Variants in VPS13B observed in about 807,000 individuals in gnomAD.
VPS13B encodes vacuolar protein sorting 13 homolog B.
VPS13B carries 285 observed loss-of-function variants against 426.4 expected under a neutral mutation model. The ratio of observed to expected loss-of-function variants is 0.67; its 90% CI spans 0.61 to 0.74. The LOEUF (loss-of-function observed/expected upper bound fraction) is 0.74. Ranked by LOEUF, VPS13B falls within the 30% of genes least tolerant of loss-of-function variation. The pLI is 0.00. For missense variants in VPS13B, 4,537 were observed against 4,782.6 expected, an observed-to-expected ratio of 0.95 and a Z score of 1.51; for synonymous variants, 1,676 against 1,676.4, an observed-to-expected ratio of 1.00 and a Z score of 0.01.
intron 35 of VPS13B, among the ~76,000 whole-genome samples, chr8:99,684,128 A>G (rs934692600): frequency 6.6e-6 from 1 of 152,214 alleles, no homozygotes; most frequent in African/African-American, 2.4e-5. Context: ...ACATTGATTG[A>G]TCAAGGCTTA....
At chr8:99,244,698 A>G (rs1179226043) in intron 17 of VPS13B, among the ~76,000 whole-genome samples, 2 of 152,222 alleles carry the variant, frequency 1.3e-5, no homozygotes, top group Admixed American at 6.5e-5. Flanking sequence ...CACTAAGAGT[A>G]TTCATCATTT....
intron 17 of VPS13B, among the ~76,000 whole-genome samples, chr8:99,259,422 C>T (rs1477388561): frequency 1.3e-5 from 2 of 152,020 alleles, no homozygotes; most frequent in African/African-American, 4.8e-5. Context: ...TGTTCTTTGG[C>T]AACCCCACTA....
At chr8:99,497,810 C>T (rs916048983) in intron 25 of VPS13B, among the ~76,000 whole-genome samples, 16 of 152,134 alleles carry the variant, frequency 1.1e-4, no homozygotes, top group African/African-American at 3.6e-4. Flanking sequence ...TACTCAATTG[C>T]TATTTTTAAA....
chr8:99,728,302 C>T (rs1188179018), intron 39 of VPS13B, among the ~76,000 whole-genome samples: 3 of 152,144 alleles, frequency 2.0e-5, no homozygotes, highest in African/African-American at 4.8e-5. Flanking sequence ...AGCAGGTTGG[C>T]CTTTCCCTGA....
intron 17 of VPS13B, among the ~76,000 whole-genome samples, chr8:99,264,121 T>C (rs1182758303): frequency 1.3e-5 from 2 of 152,120 alleles, no homozygotes; most frequent in East Asian, 3.8e-4. Flanking sequence ...ATGTACTTAT[T>C]TTTAATTAAT....
intron 25 of VPS13B, among the ~76,000 whole-genome samples, chr8:99,494,718 G>T (rs958365821): frequency 6.6e-6 from 1 of 151,892 alleles, no homozygotes; most frequent in Non-Finnish European, 1.5e-5. Context: ...GAGGACTTTA[G>T]TAGTTTTTGA....
chr8:99,732,658 T>G (rs758353158), intron 39 of VPS13B, among the ~76,000 whole-genome samples: 7 of 152,256 alleles, frequency 4.6e-5, no homozygotes, highest in Non-Finnish European at 1.0e-4. Context: ...CTTGCCTGAT[T>G]GTGAGCTTCT....
In VPS13B at chr8:99,556,472, C is replaced by A; in HGVS notation, c.4768C>A (p.Leu1590Ile). ...CAGGAGAGCCTTGAACTTAGGAATT[C>A]TTCGAGATCCTGGATCAGAAATCGA... ...IYQRALNLGI[L>I]RDPGSEIEDR... Residue 1590 changes from leucine (L) to isoleucine (I), a missense_variant, in exon 31 of 62, where the codon CTT (leucine) becomes ATT (isoleucine). Around this residue, in one of 2 missense-constraint regions of VPS13B, gnomAD observed 4,311 missense variants for 4,474.3 expected, o/e 0.96. Transcript: ENST00000357162. 1.2e-6 allele frequency: 2 copies of A among 1,612,746 alleles called. No homozygotes were observed. Among genetic ancestry groups the A allele is most frequent in the East Asian group, 2.2e-5 (1 of 44,808 alleles).
At chr8:99,604,861 G>A (rs1302892167) in intron 33 of VPS13B, among the ~76,000 whole-genome samples, 1 of 152,138 alleles carries the variant, frequency 6.6e-6, no homozygotes, top group African/African-American at 2.4e-5. Context: ...GATGTTAAGG[G>A]AGGAGTATCT....
intron 25 of VPS13B, among the ~76,000 whole-genome samples, chr8:99,485,333 T>A (rs1820246817): frequency 2.0e-5 from 3 of 152,206 alleles, no homozygotes; most frequent in African/African-American, 7.2e-5. Context: ...GTAACAATGT[T>A]ATTTAAATTC....
chr8:99,174,771 C>T (rs2132675728), intron 16 of VPS13B, among the ~76,000 whole-genome samples: 1 of 152,136 alleles, frequency 6.6e-6, no homozygotes, highest in East Asian at 1.9e-4. Context: ...AGTTATTTCC[C>T]CTCATGGCAA....
At chr8:99,535,950 ATTTTT>A (rs766421706) in intron 30 of VPS13B, among the ~76,000 whole-genome samples, 1 of 143,648 alleles carries the variant, frequency 7.0e-6, no homozygotes, top group African/African-American at 2.5e-5. Flanking sequence ...TTTAATCCAA[ATTTTT>A]TTTTTTTTTT....
intron 19 of VPS13B, among the ~76,000 whole-genome samples, chr8:99,356,216 T>G (rs1347786811): frequency 6.6e-6 from 1 of 152,220 alleles, no homozygotes; most frequent in African/African-American, 2.4e-5. Context: ...TGACTATGTT[T>G]CTTTTTCTAT....
chr8:99,248,787 C>CATTG (rs980074916), intron 17 of VPS13B, among the ~76,000 whole-genome samples: 11 of 152,088 alleles, frequency 7.2e-5, no homozygotes, highest in African/African-American at 2.7e-4. Flanking sequence ...CTAAATCTGT[C>CATTG]ATTGATTGAT....
chr8:99,157,853 C>A (rs1485373116), intron 15 of VPS13B, among the ~76,000 whole-genome samples: 1 of 152,184 alleles, frequency 6.6e-6, no homozygotes, highest in Non-Finnish European at 1.5e-5. Flanking sequence ...GAAAGTGAAA[C>A]AGCCATATTG....
chr8:99,507,761 C>A, intron 28 of VPS13B: 1 of 1,614,014 alleles, frequency 6.2e-7, no homozygotes, highest in Non-Finnish European at 8.5e-7. Flanking sequence ...TCCTGTCCAT[C>A]ACTTCAAGCC....
chr8:99,058,970 T>C (rs1036564073), intron 3 of VPS13B, among the ~76,000 whole-genome samples: 1 of 152,238 alleles, frequency 6.6e-6, no homozygotes, highest in Admixed American at 6.5e-5. Flanking sequence ...GCATAGTACA[T>C]TGTGTGTAAA....
At chr8:99,518,264 G>C (rs1014888299) in intron 29 of VPS13B, among the ~76,000 whole-genome samples, 20 of 152,074 alleles carry the variant, frequency 1.3e-4, no homozygotes, top group Admixed American at 5.2e-4. Flanking sequence ...TTTGTGGTAC[G>C]GTTTATTCTC....
intron 36 of VPS13B, among the ~76,000 whole-genome samples, chr8:99,707,619 A>G (rs1394944331): frequency 2.0e-5 from 3 of 152,206 alleles, no homozygotes; most frequent in Non-Finnish European, 4.4e-5. Flanking sequence ...AAAACTTTAG[A>G]ACACCTCCAC....
Sources: allele counts gnomAD v4.1 joint callset (sites outside exome capture counted in the v4.1 genomes callset), GRCh38; gene constraint gnomAD v4.1.1; regional missense constraint gnomAD v4.1.1; transcripts MANE v1.5; gene names NCBI Gene and HGNC (gene_info 2026-07-23, HGNC 2026-07-21).